RSPH14: variants seen among roughly 807,000 people sequenced by gnomAD.
RSPH14 encodes the protein radial spoke head 14 homolog, also known as rhabdoid tumor deletion region gene 1.
RSPH14 carries 20 observed loss-of-function variants against 26.7 expected under a neutral mutation model. The observed-to-expected ratio is 0.75, with a 90% CI of 0.53 to 1.09. RSPH14 has a LOEUF of 1.09. Among genes scored for constraint, RSPH14 ranks in the 50% least tolerant of loss-of-function variants. The pLI is 0.00. For synonymous variants in RSPH14, 177 were observed against 189.3 expected, an observed-to-expected ratio of 0.93 and a Z score of 0.53; for missense variants, 449 against 457.2, an observed-to-expected ratio of 0.98 and a Z score of 0.16.
At chr22:23,159,027 TC>T in the RSPH14 span, 1 of 1,596,294 alleles carries the variant, frequency 6.3e-7, no homozygotes, top group Non-Finnish European at 8.6e-7. Context: ...GGAAAATGCC[TC>T]CCCTTACAGC....
intron 4 of RSPH14, among the ~76,000 whole-genome samples, chr22:23,120,085 A>G (rs2069969900): frequency 6.6e-6 from 1 of 152,184 alleles, no homozygotes; most frequent in Non-Finnish European, 1.5e-5. Context: ...CGGAATCCTG[A>G]TAAGAGTGTA....
intron 4 of RSPH14, chr22:23,096,521 A>C: frequency 8.0e-7 from 1 of 1,247,578 alleles, no homozygotes; most frequent in Admixed American, 2.2e-5. Context: ...CAGAAAGGGA[A>C]CCAGGCGCAG....
At chr22:23,173,857 G>A in the RSPH14 span, among the ~76,000 whole-genome samples, 7 of 152,034 alleles carry the variant, frequency 4.6e-5, no homozygotes, top group African/African-American at 1.2e-4. Context: ...ACAGGCATGC[G>A]CCACCACACC....
chr22:23,153,326 C>A, the RSPH14 span, among the ~76,000 whole-genome samples: 1 of 152,162 alleles, frequency 6.6e-6, no homozygotes, highest in African/African-American at 2.4e-5. Context: ...AAAGTTGTCT[C>A]ATTTTGGTCA....
At chr22:23,144,107 A>C (rs1317028439), upstream of RSPH14, among the ~76,000 whole-genome samples, 1 of 150,766 alleles carries the variant, frequency 6.6e-6, no homozygotes. Context: ...AAAAAAAAAA[A>C]AAAAAAAAAA....
the RSPH14 span, chr22:23,152,669 A>C: frequency 1.2e-6 from 1 of 806,942 alleles, no homozygotes; most frequent in African/African-American, 1.7e-5. Flanking sequence ...TGGGAGCCGG[A>C]TAAGAGGGGG....
intron 4 of RSPH14, among the ~76,000 whole-genome samples, chr22:23,110,370 C>T (rs1320065693): frequency 6.6e-6 from 1 of 152,214 alleles, no homozygotes; most frequent in South Asian, 2.1e-4. Context: ...GACGAGGCCA[C>T]AGGGTGACAA....
chr22:23,113,446 A>G (rs1001137318), intron 4 of RSPH14, among the ~76,000 whole-genome samples: 1 of 152,252 alleles, frequency 6.6e-6, no homozygotes, highest in South Asian at 2.1e-4. Context: ...CTGAGGGTAG[A>G]TGTAGGCCAA....
At chr22:23,100,939 GC>G (rs1228653143) in intron 4 of RSPH14, among the ~76,000 whole-genome samples, 4 of 152,204 alleles carry the variant, frequency 2.6e-5, no homozygotes, top group Non-Finnish European at 5.9e-5. Flanking sequence ...TTATCATTTA[GC>G]CCAAAAAGGG....
chr22:23,106,247 C>A (rs973835188), intron 4 of RSPH14, among the ~76,000 whole-genome samples: 1 of 152,182 alleles, frequency 6.6e-6, no homozygotes, highest in African/African-American at 2.4e-5. Flanking sequence ...AGCAAAAAAG[C>A]AAAACAGAGT....
chr22:23,107,910 C>T (rs1006334992), intron 4 of RSPH14, among the ~76,000 whole-genome samples: 1 of 152,230 alleles, frequency 6.6e-6, no homozygotes, highest in Non-Finnish European at 1.5e-5. Context: ...CCAGCTGTCA[C>T]TGGAGGGCCA....
the RSPH14 span, among the ~76,000 whole-genome samples, chr22:23,174,865 G>A: frequency 6.6e-6 from 1 of 151,928 alleles, no homozygotes; most frequent in African/African-American, 2.4e-5. Flanking sequence ...CTACTCGGGA[G>A]GCTGAGGCAG....
Position 23,063,885 on chromosome 22 carries a change from C to G in RSPH14, c.653+17G>C, listed in dbSNP as rs1173787267. ...TCTCCCAGCCTTGGTAGAAACCCAG[C>G]CTAGGCCAGGCCTCACCTGACATTA... On this transcript the variant is annotated intron_variant, in intron 5 of 6. Transcript: ENST00000216036. 3.1e-6 allele frequency: 5 copies of G among 1,612,014 alleles called. No individual in the cohort carries two copies. Among genetic ancestry groups the G allele is most frequent in the African/African-American group, 1.3e-5 (1 of 74,900 alleles).
chr22:23,100,383 G>A (rs2069262714), intron 4 of RSPH14, among the ~76,000 whole-genome samples: 3 of 152,246 alleles, frequency 2.0e-5, no homozygotes, highest in Admixed American at 6.5e-5. Context: ...AGGGTTCACC[G>A]TGGGAGGCCT....
chr22:23,093,627 G>A (rs188910020), intron 4 of RSPH14, among the ~76,000 whole-genome samples: 12 of 152,342 alleles, frequency 7.9e-5, no homozygotes, highest in Non-Finnish European at 1.8e-4. Flanking sequence ...GCTTGTGCTG[G>A]ACGCTTTACT....
At chr22:23,116,720 G>C (rs2069847306) in intron 4 of RSPH14, among the ~76,000 whole-genome samples, 1 of 152,212 alleles carries the variant, frequency 6.6e-6, no homozygotes, top group Non-Finnish European at 1.5e-5. Flanking sequence ...CCCAGCCCAG[G>C]CGCTTGTCCC....
Position 23,059,652 on chromosome 22 carries a change from G to A in RSPH14, c.857C>T (p.Thr286Ile). 6.3e-7 allele frequency: 1 copy of A among 1,594,092 alleles called. No individual in the cohort carries two copies. Among genetic ancestry groups the A allele is most frequent in the Non-Finnish European group, 8.6e-7 (1 of 1,168,672 alleles). ...LLLELLHSPM[T>I]IARLNATKAL... ...CTTGGTGGCATTCAGGCGCGCTATG[G>A]TCATGGGGGAGTGCAGCAGCTCCAG... is the stretch of plus-strand genomic sequence containing the variant. Residue 286 changes from threonine (T) to isoleucine (I), a missense_variant, in exon 7 of 7, where the codon ACC (threonine) becomes ATC (isoleucine). Coordinates refer to ENST00000216036, the MANE Select transcript of RSPH14 (RefSeq NM_014433.3).
At chr22:23,158,041 C>A in the RSPH14 span, 2 of 1,614,094 alleles carry the variant, frequency 1.2e-6, no homozygotes, top group South Asian at 2.2e-5. Context: ...TGGAGCATAC[C>A]AGGTAAGTCT....
At chr22:23,178,813 T>G in the RSPH14 span, among the ~76,000 whole-genome samples, 1 of 152,186 alleles carries the variant, frequency 6.6e-6, no homozygotes, top group Non-Finnish European at 1.5e-5. Flanking sequence ...CTCTCAACAT[T>G]TTGTACCGTG....
Sources: gnomAD v4.1 joint callset for allele counts (sites outside exome capture counted in the v4.1 genomes callset) on GRCh38, gnomAD v4.1.1 for gene constraint, MANE v1.5 for transcripts, NCBI Gene and HGNC (gene_info 2026-07-23, HGNC 2026-07-21) for gene names.